ZNF454: variants seen among roughly 807,000 people sequenced by gnomAD.
The protein encoded by ZNF454 is zinc finger protein 454.
ZNF454 carries 30 observed loss-of-function variants against 48.2 expected under a neutral mutation model. The observed-to-expected ratio is 0.62, with a 90% CI of 0.47 to 0.84. The LOEUF is 0.84. ZNF454 is among the 40% of genes least tolerant of loss of function. The probability of loss-of-function intolerance (pLI) is 0.00; values close to 1 mark genes in which losing one functional copy is unlikely to be tolerated. For synonymous variants in ZNF454, 204 were observed against 211.4 expected (o/e 0.97, Z 0.30); for missense variants, 510 against 623.1 (o/e 0.82, Z 1.93).
chr5:178,987,563 GC>G, the ZNF454 span: 1 of 414,964 alleles, frequency 2.4e-6, no homozygotes, highest in Non-Finnish European at 4.9e-6. Flanking sequence ...AGTCACACAT[GC>G]GCAAATACCG....
At chr5:178,971,515 T>C in the ZNF454 span, among the ~76,000 whole-genome samples, 1 of 151,860 alleles carries the variant, frequency 6.6e-6, no homozygotes. Context: ...TTACTACATA[T>C]CGAAGACGTG....
chr5:178,986,296 C>T, the ZNF454 span: 210 of 1,613,842 alleles, frequency 1.3e-4, no homozygotes, highest in Middle Eastern at 6.6e-4. Context: ...GAAGAGCCTG[C>T]GGGCGGCACA....
intron 4 of ZNF454, among the ~76,000 whole-genome samples, chr5:178,960,457 T>G (rs1759967744): frequency 6.6e-6 from 1 of 151,266 alleles, no homozygotes. Flanking sequence ...GGGTTTCTCC[T>G]TGGTCAGGCT....
chr5:178,986,256 A>G, the ZNF454 span: 1 of 1,614,156 alleles, frequency 6.2e-7, no homozygotes, highest in Non-Finnish European at 8.5e-7. Context: ...TGAGCAGGGC[A>G]GAGTAGCTGA....
downstream of ZNF454, among the ~76,000 whole-genome samples, chr5:178,967,461 G>T (rs1760179974): frequency 6.6e-6 from 1 of 152,164 alleles, no homozygotes; most frequent in African/African-American, 2.4e-5. Flanking sequence ...GGTTTCTGGA[G>T]GTAGTAATTC....
rs982682927 is a variant in ZNF454, at chr5:178,966,235, C to A, written c.*262C>A. ...GGATCACGAGGTCAGGAGATCGAGA[C>A]CATCCTGGCTAACAGGGTGAAACCC... On this transcript the variant is annotated 3_prime_UTR_variant, in exon 5 of 5. Transcript: ENST00000519564. The A allele has an allele frequency of 3.3e-6, 1 of 299,948 alleles. No individual in the cohort carries two copies. The highest frequency in any genetic ancestry group is 6.2e-6 in the Non-Finnish European group (1 of 162,066). The allele number at this position is 299,948 out of a possible 1,614,324, so 18.6% of individuals were successfully genotyped here.
chr5:178,981,458 G>T, the ZNF454 span: 15 of 587,988 alleles, frequency 2.6e-5, no homozygotes, highest in East Asian at 4.0e-4. This position sits in a 1 kb window ranked among gnomAD's most constrained non-coding sequence, Gnocchi z 5.1. Flanking sequence ...TGGTGAGGAA[G>T]CATGAAGCTC....
chr5:178,983,517 G>C, the ZNF454 span: 2 of 610,862 alleles, frequency 3.3e-6, no homozygotes, highest in Non-Finnish European at 6.1e-6. Flanking sequence ...GGGCAGCTTG[G>C]TGTCCTCTTC....
chr5:178,969,684 A>G (rs562338937), downstream of ZNF454: 2 of 456,242 alleles, frequency 4.4e-6, no homozygotes, highest in African/African-American at 4.0e-5. Context: ...CACCTGGGCC[A>G]TAGAAAAAGG....
intron 2 of ZNF454, among the ~76,000 whole-genome samples, chr5:178,945,510 CTG>C (rs896786263): frequency 3.8e-5 from 5 of 131,544 alleles, no homozygotes; most frequent in Admixed American, 7.8e-5. Context: ...ATGCTTGTGT[CTG>C]TGCATCTCTG....
chr5:178,985,565 T>A, the ZNF454 span: 30 of 338,514 alleles, frequency 8.9e-5, no homozygotes, highest in Admixed American at 4.4e-4. Context: ...TAGCCGGGCG[T>A]GGTGGCGGGC....
chr5:178,982,006 C>T, the ZNF454 span: 2 of 720,822 alleles, frequency 2.8e-6, no homozygotes, highest in South Asian at 3.0e-5. Context: ...TGAGCAGGGG[C>T]CCCGCGCCTG....
chr5:178,976,703 G>C, the ZNF454 span, among the ~76,000 whole-genome samples: 1 of 152,174 alleles, frequency 6.6e-6, no homozygotes, highest in Non-Finnish European at 1.5e-5. Flanking sequence ...CAGAGCTGGA[G>C]TTGACCTCAA....
intron 4 of ZNF454, 111 bp downstream of exon 4, chr5:178,947,097 G>A: frequency 2.3e-6 from 2 of 869,176 alleles, no homozygotes; most frequent in Non-Finnish European, 3.7e-6. Flanking sequence ...TTGAGAAAGA[G>A]CCTGTTTCAC....
In ZNF454 at chr5:178,964,804, G is replaced by A; in HGVS notation, c.400G>A (p.Glu134Lys). The A allele has an allele frequency of 6.2e-7, 1 of 1,614,168 alleles. No homozygotes were observed. Among genetic ancestry groups the A allele is most frequent in the Non-Finnish European group, 8.5e-7 (1 of 1,180,030 alleles). ...SLLEWQCGGQ[E>K]ISLQRVVLTH... is the part of the protein sequence containing the mutation. ...GCTGGAGTGGCAATGTGGAGGCCAG[G>A]AGATCAGTTTGCAGCGAGTGGTACT... Residue 134 changes from glutamate to lysine, a missense_variant, in exon 5 of 5, where the codon GAG (glutamate) becomes AAG (lysine). Glu to Lys is a moderately conservative substitution (Grantham distance 56, BLOSUM62 1). Coordinates refer to ENST00000519564, the MANE Select transcript of ZNF454 (RefSeq NM_001178089.3).
At chr5:178,977,297 T>A in the ZNF454 span, 143 of 365,004 alleles carry the variant, frequency 3.9e-4, no homozygotes, top group Admixed American at 1.4e-3. Flanking sequence ...CCCTCGGGAA[T>A]GGGATTAGAG....
At chr5:178,947,073 C>A in intron 4 of ZNF454, 87 bp downstream of exon 4, 2 of 1,043,274 alleles carry the variant, frequency 1.9e-6, no homozygotes, top group Non-Finnish European at 2.9e-6. Context: ...CTTGCAGATG[C>A]ACCTGCCTGA....
At chr5:178,969,353 T>G (rs747470986), downstream of ZNF454, 1 of 425,332 alleles carries the variant, frequency 2.4e-6, no homozygotes, top group African/African-American at 2.0e-5. Flanking sequence ...TGTTAGACAT[T>G]TCAGTACTTA....
chr5:178,963,690 A>G (rs976414476), intron 4 of ZNF454, among the ~76,000 whole-genome samples: 2 of 151,756 alleles, frequency 1.3e-5, no homozygotes, highest in Non-Finnish European at 2.9e-5. Context: ...GCCACAAAAT[A>G]TCTCATGGCA....
Sources: allele counts gnomAD v4.1 joint callset (sites outside exome capture counted in the v4.1 genomes callset), GRCh38; gene constraint gnomAD v4.1.1; non-coding constraint Gnocchi (gnomAD v3.1); transcripts MANE v1.5; gene names NCBI Gene and HGNC (gene_info 2026-07-23, HGNC 2026-07-21).